Variants in VTI1B observed in about 807,000 individuals in gnomAD.
VTI1B encodes the protein vesicle transport through interaction with t-SNAREs 1B.
A neutral mutation model predicts 28.6 loss-of-function variants in VTI1B; 18 were observed. That is an observed-to-expected ratio of 0.63 (90% CI 0.43 to 0.93). The LOEUF (loss-of-function observed/expected upper bound fraction) is 0.93, where lower values mean the gene tolerates loss of function less well. Among genes scored for constraint, VTI1B ranks in the 40% least tolerant of loss-of-function variants. The probability of loss-of-function intolerance (pLI) is 0.00; values close to 1 mark genes in which losing one functional copy is unlikely to be tolerated. For missense variants in VTI1B, 283 were observed against 297.0 expected, an observed-to-expected ratio of 0.95 and a Z score of 0.35; for synonymous variants, 100 against 107.9, an observed-to-expected ratio of 0.93 and a Z score of 0.46.
chr14:67,666,532 T>C (rs1326981757), intron 1 of VTI1B, among the ~76,000 whole-genome samples: 2 of 152,244 alleles, frequency 1.3e-5, no homozygotes. Context: ...TGAAATCATT[T>C]CTTGTGATGA....
chr14:67,647,984 G>C lies in VTI1B; in HGVS notation c.*3401C>G. 1 of 1,461,458 alleles carries C rather than the reference G, an allele frequency of 6.8e-7. No individual in the cohort carries two copies. The highest frequency in any genetic ancestry group is 9.3e-7 in the Non-Finnish European group (1 of 1,071,912). The allele number at this position is 1,461,458 out of a possible 1,614,324, so 90.5% of individuals were successfully genotyped here. On this transcript the variant is annotated 3_prime_UTR_variant, in exon 6 of 6. Transcript: ENST00000554659. ...AAGGAGTTGCAACCATAAGAAGGATGAGTGTCCAAGGACAACCAGTTAAGT... is the reference window on the plus strand; with the variant it reads ...AAGGAGTTGCAACCATAAGAAGGATCAGTGTCCAAGGACAACCAGTTAAGT...
At chr14:67,656,173 G>T (rs759250289) in intron 4 of VTI1B, among the ~76,000 whole-genome samples, 1 of 151,276 alleles carries the variant, frequency 6.6e-6, no homozygotes, top group Non-Finnish European at 1.5e-5. Flanking sequence ...TTGAACCCAG[G>T]ATGCGGAGGT....
rs372316728 is a variant in VTI1B, at chr14:67,658,936, C to T, written c.366+795G>A. Reference sequence around the variant, plus strand: ...ATTTGTTTAAAATTGTAGTATGAGCCTTTCAGTCTGCACTGGTGGGCCCCT... The same window carrying T: ...ATTTGTTTAAAATTGTAGTATGAGCTTTTCAGTCTGCACTGGTGGGCCCCT... On this transcript the variant is annotated intron_variant, in intron 3 of 5. Transcript: ENST00000554659. Among the ~76,000 whole-genome samples, 46 of 152,300 alleles carry T rather than the reference C, an allele frequency of 3.0e-4. 1 individual carries two copies. Among genetic ancestry groups the T allele is most frequent in the African/African-American group, 1.1e-3 (45 of 41,556 alleles).
intron 2 of VTI1B, among the ~76,000 whole-genome samples, chr14:67,661,027 ATGTGCTTCCTTCTCAGAACTTCAT>A (rs1417743200): frequency 6.6e-6 from 1 of 152,140 alleles, no homozygotes; most frequent in Non-Finnish European, 1.5e-5. Flanking sequence ...AAGGATGCAG[ATGTGCTTCCTTCTCAGAACTTCAT>A]TGGGATAAGT....
chr14:67,658,030 T>A (rs1159677028), intron 3 of VTI1B, among the ~76,000 whole-genome samples: 2 of 152,150 alleles, frequency 1.3e-5, no homozygotes, highest in African/African-American at 2.4e-5. Context: ...ATTACAGGCG[T>A]AAGCCACTGT....
At chr14:67,658,787 G>A (rs566961967) in intron 3 of VTI1B, among the ~76,000 whole-genome samples, 181 of 151,976 alleles carry the variant, frequency 1.2e-3, no homozygotes, top group African/African-American at 3.9e-3. Context: ...ATAATCCCTC[G>A]CGCATCCATT....
In VTI1B at chr14:67,651,383, G is replaced by T. The variant is rs1325408558; in HGVS notation, c.*2C>A. On this transcript the variant is annotated 3_prime_UTR_variant, in exon 6 of 6. Transcript: ENST00000554659. ...GGTCCACAAACCCTTCCCTATAGAA[G>T]TTCAATGGCTGCGAAAGAATTTGTA... 1 of 1,613,766 alleles carries T rather than the reference G, an allele frequency of 6.2e-7. No individual in the cohort carries two copies. The highest frequency in any genetic ancestry group is 1.7e-5 in the Admixed American group (1 of 60,016).
chr14:67,666,782 G>C (rs1395080898), intron 1 of VTI1B, among the ~76,000 whole-genome samples: 3 of 152,166 alleles, frequency 2.0e-5, no homozygotes, highest in African/African-American at 7.2e-5. Flanking sequence ...GGCAGCACTA[G>C]TTCTGGAATG....
At chr14:67,664,565 C>T (rs1321960125) in intron 1 of VTI1B, among the ~76,000 whole-genome samples, 3 of 151,058 alleles carry the variant, frequency 2.0e-5, no homozygotes, top group South Asian at 4.2e-4. Context: ...GGCTCGGTCT[C>T]GGTTCACTGC....
intron 1 of VTI1B, among the ~76,000 whole-genome samples, chr14:67,665,027 A>G (rs991682749): frequency 6.6e-6 from 1 of 152,068 alleles, no homozygotes; most frequent in Non-Finnish European, 1.5e-5. Context: ...CACCACAACC[A>G]GATAATTTTT....
rs1594843980 is a variant in VTI1B at position 67,674,253 on chromosome 14, G to A, written c.115+122C>T. 7.9e-6 allele frequency: 7 copies of A among 886,266 alleles called. No individual in the cohort carries two copies. The East Asian group carries it at 1.2e-4, about 15-fold the overall frequency. The allele number at this position is 886,266 out of a possible 1,614,324, so 54.9% of individuals were successfully genotyped here. A position where few individuals can be genotyped will look rare whatever the true frequency, so the allele number is the denominator to read the frequency against. Reference sequence around the variant, plus strand: ...GGGGCTGGGACAAGCCAGCCCTAGGGGGCGTGTCTGAGGACGCGGAGGGAG... The same window carrying A: ...GGGGCTGGGACAAGCCAGCCCTAGGAGGCGTGTCTGAGGACGCGGAGGGAG... On this transcript the variant is annotated intron_variant, in intron 1 of 5. Transcript: ENST00000554659.
At chr14:67,652,273 T>TTGTC (rs1316205460) in intron 5 of VTI1B, 1 of 152,406 alleles carries the variant, frequency 6.6e-6, no homozygotes, top group African/African-American at 2.4e-5. Flanking sequence ...AATTCAAATA[T>TTGTC]TGTCTTCAAA....
intron 1 of VTI1B, chr14:67,662,987 AACTCG>A: frequency 7.2e-7 from 1 of 1,389,514 alleles, no homozygotes; most frequent in Non-Finnish European, 9.3e-7. Flanking sequence ...CTTCTATGTT[AACTCG>A]TACACTACTT....
intron 1 of VTI1B, among the ~76,000 whole-genome samples, chr14:67,672,447 C>CTTTT (rs764198286): frequency 1.2e-4 from 14 of 116,824 alleles, no homozygotes; most frequent in East Asian, 2.8e-4. Flanking sequence ...CTTTTCTTTT[C>CTTTT]TTTTTTTTTT....
chr14:67,659,352 G>C (rs562970915), intron 3 of VTI1B, among the ~76,000 whole-genome samples: 1 of 152,154 alleles, frequency 6.6e-6, no homozygotes, highest in South Asian at 2.1e-4. Context: ...CTGAGAAAGT[G>C]ATTCTAAAAT....
chr14:67,653,035 C>T (rs1024385429), intron 5 of VTI1B, among the ~76,000 whole-genome samples: 6 of 152,104 alleles, frequency 3.9e-5, no homozygotes, highest in Non-Finnish European at 5.9e-5. Flanking sequence ...GTGATCTGCC[C>T]GCTTCAGCCT....
At chr14:67,671,175 T>A (rs2037460470) in intron 1 of VTI1B, among the ~76,000 whole-genome samples, 1 of 152,200 alleles carries the variant, frequency 6.6e-6, no homozygotes, top group Non-Finnish European at 1.5e-5. Context: ...ATTCTAGGGA[T>A]ATGTATATAT....
intron 1 of VTI1B, among the ~76,000 whole-genome samples, chr14:67,667,620 T>C (rs558407327): frequency 6.6e-6 from 1 of 152,172 alleles, no homozygotes; most frequent in Non-Finnish European, 1.5e-5. Context: ...AGGAAGAACC[T>C]AAGAGCAAAA....
In VTI1B at chr14:67,651,056, AGTTTCCCCTCTATTTTGGTGACC is replaced by A; in HGVS notation, c.*306_*328del. 3 of 1,094,036 alleles carry A rather than the reference AGTTTCCCCTCTATTTTGGTGACC, an allele frequency of 2.7e-6. No homozygotes were observed. The highest frequency in any genetic ancestry group is 3.9e-6 in the Non-Finnish European group (3 of 764,000). The allele number at this position is 1,094,036 out of a possible 1,614,324, so 67.8% of individuals were successfully genotyped here. ...CATTTACACATTCTCACAATTGTAAAGTTTCCCCTCTATTTTGGTGACCAATACTACTGTAAATGTATTTGGTT... is the reference window on the plus strand; with the variant it reads ...CATTTACACATTCTCACAATTGTAAAAATACTACTGTAAATGTATTTGGTT... On this transcript the variant is annotated 3_prime_UTR_variant, in exon 6 of 6. Coordinates refer to ENST00000554659, the MANE Select transcript of VTI1B (RefSeq NM_006370.3).
Sources: allele counts gnomAD v4.1 joint callset (sites outside exome capture counted in the v4.1 genomes callset), GRCh38; gene constraint gnomAD v4.1.1; transcripts MANE v1.5; gene names NCBI Gene and HGNC (gene_info 2026-07-23, HGNC 2026-07-21).